DCC: variants seen among roughly 807,000 people sequenced by gnomAD.
DCC encodes the protein DCC netrin 1 receptor, also known as netrin receptor DCC.
A neutral mutation model predicts 172.5 loss-of-function variants in DCC; 58 were observed. The ratio of observed to expected loss-of-function variants is 0.34; its 90% CI spans 0.27 to 0.42. DCC has a LOEUF of 0.42. Among genes scored for constraint, DCC ranks in the 10% least tolerant of loss-of-function variants. The pLI is 1.00. For synonymous variants in DCC, 709 were observed against 644.5 expected (o/e 1.10, Z -1.52); for missense variants, 1,740 against 1,791.0 (o/e 0.97, Z 0.51).
chr18:53,034,694 C>T (rs1413759577), intron 5 of DCC, among the ~76,000 whole-genome samples: 2 of 141,738 alleles, frequency 1.4e-5, no homozygotes, highest in East Asian at 2.2e-4. Context: ...CACTTATCTG[C>T]TCCAACTTTT....
At chr18:53,017,215 A>G (rs1264453831) in intron 5 of DCC, among the ~76,000 whole-genome samples, 1 of 152,012 alleles carries the variant, frequency 6.6e-6, no homozygotes. Context: ...AGCTGGGACT[A>G]CAGGCGCCCG....
chr18:53,149,473 A>G (rs1361609360), intron 7 of DCC, among the ~76,000 whole-genome samples: 1 of 152,166 alleles, frequency 6.6e-6, no homozygotes, highest in African/African-American at 2.4e-5. Flanking sequence ...GGTTCATACC[A>G]TTTAATTGCA....
intron 12 of DCC, among the ~76,000 whole-genome samples, chr18:53,265,951 T>C (rs2056668528): frequency 6.6e-6 from 1 of 152,186 alleles, no homozygotes; most frequent in Non-Finnish European, 1.5e-5. Context: ...AGCTTTTCAA[T>C]CCTTGTTTCC....
At chr18:53,047,280 A>G (rs2042256877) in intron 5 of DCC, among the ~76,000 whole-genome samples, 1 of 17,826 alleles carries the variant, frequency 5.6e-5, no homozygotes, top group African/African-American at 4.3e-4. Flanking sequence ...ATATATATAT[A>G]TATATATAAT....
At chr18:52,441,433 G>A (rs887254343) in intron 1 of DCC, among the ~76,000 whole-genome samples, 2 of 152,048 alleles carry the variant, frequency 1.3e-5, no homozygotes, top group Non-Finnish European at 2.9e-5. Context: ...TGGATTTGTT[G>A]TTATTTATTT....
intron 22 of DCC, among the ~76,000 whole-genome samples, chr18:53,437,006 C>G (rs1264942557): frequency 6.6e-6 from 1 of 152,130 alleles, no homozygotes; most frequent in African/African-American, 2.4e-5. Flanking sequence ...GGCCACCACT[C>G]TCATGACCTA....
rs2040163042 is a variant in DCC, at chr18:52,923,987, A to G, written c.848+130A>G. ...TCATAATAATTGAATATTTTTCCAC[A>G]TTTCTTGGCATGATACAGTTATATG... On this transcript the variant is annotated intron_variant, in intron 4 of 28. Transcript: ENST00000442544. 31 of 736,812 alleles carry G rather than the reference A, an allele frequency of 4.2e-5. No homozygotes were observed. In the South Asian group the frequency reaches 4.4e-4, roughly 11 times the overall value. The allele number at this position is 736,812 out of a possible 1,614,324, so 45.6% of individuals were successfully genotyped here.
intron 15 of DCC, among the ~76,000 whole-genome samples, chr18:53,353,536 T>G (rs1003328019): frequency 5.9e-5 from 9 of 152,172 alleles, no homozygotes; most frequent in Non-Finnish European, 1.0e-4. Context: ...TCATTTTTTT[T>G]TACATCTTGA....
chr18:52,977,713 G>A (rs1450816854), intron 5 of DCC, among the ~76,000 whole-genome samples: 3 of 151,726 alleles, frequency 2.0e-5, no homozygotes, highest in Non-Finnish European at 2.9e-5. Context: ...GTGAAACCCC[G>A]TCACTACTAA....
At chr18:52,744,946 A>C (rs1045314270) in intron 1 of DCC, among the ~76,000 whole-genome samples, 1 of 152,216 alleles carries the variant, frequency 6.6e-6, no homozygotes, top group Non-Finnish European at 1.5e-5. Flanking sequence ...GTTTAGAAGA[A>C]ATCCTCTCAT....
Position 52,512,986 on chromosome 18 carries a change from G to A in DCC, c.91+172108G>A, listed in dbSNP as rs1187095650. On this transcript the variant is annotated intron_variant, in intron 1 of 28. Transcript: ENST00000442544. ...TGAAGATGGCTTATACCAATAGAGA[G>A]GGAGCTAGGAGTAGAAAATATAGAT... Among the ~76,000 whole-genome samples, 4 of 152,156 alleles carry A rather than the reference G, an allele frequency of 2.6e-5. No individual in the cohort carries two copies. In the East Asian group the frequency reaches 7.7e-4, roughly 29 times the overall value.
At chr18:52,751,351 A>G (rs546648736) in intron 1 of DCC, among the ~76,000 whole-genome samples, 5 of 152,192 alleles carry the variant, frequency 3.3e-5, no homozygotes, top group East Asian at 1.9e-4. Flanking sequence ...ATGAATTTCT[A>G]TTACCCTTGG....
At chr18:52,623,010 T>A in intron 1 of DCC, among the ~76,000 whole-genome samples, 1 of 152,200 alleles carries the variant, frequency 6.6e-6, no homozygotes, top group African/African-American at 2.4e-5. Context: ...CAAACACTTG[T>A]TTCCACTTTT....
chr18:52,839,591 A>G (rs971846186), intron 2 of DCC, among the ~76,000 whole-genome samples: 1 of 152,206 alleles, frequency 6.6e-6, no homozygotes, highest in African/African-American at 2.4e-5. Flanking sequence ...GCTGAATATT[A>G]TTAAATACAT....
chr18:53,235,280 C>T (rs1048282060), intron 12 of DCC, among the ~76,000 whole-genome samples: 1 of 152,090 alleles, frequency 6.6e-6, no homozygotes, highest in Non-Finnish European at 1.5e-5. Flanking sequence ...GACTCATTAT[C>T]CCTGCTGGAT....
intron 15 of DCC, among the ~76,000 whole-genome samples, chr18:53,380,029 G>A (rs1198977047): frequency 2.0e-5 from 3 of 152,152 alleles, no homozygotes; most frequent in South Asian, 2.1e-4. Context: ...CAACATTTTA[G>A]CAAGTACAAA....
At chr18:53,462,661 G>T (rs560490284) in intron 24 of DCC, among the ~76,000 whole-genome samples, 12 of 152,130 alleles carry the variant, frequency 7.9e-5, no homozygotes, top group African/African-American at 2.7e-4. Flanking sequence ...CCAGGTCCAT[G>T]AAAAAATTTT....
chr18:52,936,958 A>G (rs560649635), intron 5 of DCC, among the ~76,000 whole-genome samples: 4 of 152,290 alleles, frequency 2.6e-5, no homozygotes, highest in South Asian at 2.1e-4. Context: ...TCTTGGTGCA[A>G]TCATTTCAGT....
chr18:52,550,480 GA>G (rs2032738758), intron 1 of DCC, among the ~76,000 whole-genome samples: 1 of 152,058 alleles, frequency 6.6e-6, no homozygotes, highest in Non-Finnish European at 1.5e-5. Context: ...TTGTTTTAGT[GA>G]CTTATTTGTC....
Sources: gnomAD v4.1 joint callset for allele counts (sites outside exome capture counted in the v4.1 genomes callset) on GRCh38, gnomAD v4.1.1 for gene constraint, MANE v1.5 for transcripts, NCBI Gene and HGNC (gene_info 2026-07-23, HGNC 2026-07-21) for gene names.